Variants in ZNF521 observed in about 807,000 individuals in gnomAD.
ZNF521 encodes zinc finger protein 521.
In ZNF521, 14 loss-of-function variants were observed where a neutral mutation model predicts 105.5. That is an observed-to-expected ratio of 0.13 (90% CI 0.09 to 0.21). ZNF521 has a LOEUF of 0.21. Among genes scored for constraint, ZNF521 ranks in the 10% least tolerant of loss-of-function variants. The pLI, the probability that ZNF521 is intolerant of heterozygous loss-of-function variation, is 1.00. For synonymous variants in ZNF521, 635 were observed against 606.0 expected (o/e 1.05, Z -0.70); for missense variants, 1,233 against 1,629.7 (o/e 0.76, Z 4.19).
intron 3 of ZNF521, among the ~76,000 whole-genome samples, chr18:25,247,535 C>T (rs1399817805): frequency 2.0e-5 from 3 of 152,172 alleles, no homozygotes; most frequent in Non-Finnish European, 2.9e-5. Context: ...ATTCTTATCG[C>T]ATTGGACTAG....
At chr18:25,129,156 T>G (rs1200689663) in intron 5 of ZNF521, among the ~76,000 whole-genome samples, 1 of 151,374 alleles carries the variant, frequency 6.6e-6, no homozygotes, top group Admixed American at 6.6e-5. Flanking sequence ...ACAAATATAG[T>G]CAACTGATCT....
chr18:25,242,960 A>G (rs1269869230), intron 3 of ZNF521, among the ~76,000 whole-genome samples: 1 of 152,206 alleles, frequency 6.6e-6, no homozygotes, highest in Non-Finnish European at 1.5e-5. Context: ...AGAACCCCAA[A>G]TCAGCTGTTG....
rs35914509 is a variant in ZNF521, at chr18:25,113,761, G to GACGGACACACAC, written c.3659-21681_3659-21680insGTGTGTGTCCGT. On this transcript the variant is annotated intron_variant, in intron 5 of 7. Coordinates refer to ENST00000361524, the MANE Select transcript of ZNF521 (RefSeq NM_015461.3). The stretch of plus-strand genomic sequence containing the variant: ...AGGCAGGCAGACCGAAGGACGGACG[G>GACGGACACACAC]ACACACACACACACACACACACACA... 1.8e-3 allele frequency among the ~76,000 whole-genome samples: 188 copies of GACGGACACACAC among 101,702 alleles called. 5 individuals are homozygous for GACGGACACACAC. The highest frequency in any genetic ancestry group is 5.2e-3 in the African/African-American group (140 of 26,850). The allele number at this position is 101,702 out of a possible 152,430, so 66.7% of individuals were successfully genotyped here. A position where few individuals can be genotyped will look rare whatever the true frequency, so the allele number is the denominator to read the frequency against.
At chr18:25,117,008 C>G (rs1335960368) in intron 5 of ZNF521, among the ~76,000 whole-genome samples, 1 of 96,458 alleles carries the variant, frequency 1.0e-5, no homozygotes, top group East Asian at 2.7e-4. Flanking sequence ...TATATACATA[C>G]ACACACACAC....
intron 2 of ZNF521, among the ~76,000 whole-genome samples, chr18:25,339,144 C>T (rs549596583): frequency 6.6e-6 from 1 of 152,304 alleles, no homozygotes; most frequent in South Asian, 2.1e-4. Flanking sequence ...ACTGAAAGAA[C>T]ACTATTGTTG....
intron 3 of ZNF521, among the ~76,000 whole-genome samples, chr18:25,288,780 A>G (rs936168827): frequency 3.9e-5 from 6 of 152,178 alleles, no homozygotes; most frequent in African/African-American, 1.4e-4. Flanking sequence ...TCAGGAGTCA[A>G]TGAGGAATAA....
chr18:25,330,026 T>C (rs967261140), intron 2 of ZNF521, among the ~76,000 whole-genome samples: 4 of 152,214 alleles, frequency 2.6e-5, no homozygotes, highest in Non-Finnish European at 5.9e-5. Flanking sequence ...GAGCCATTCC[T>C]AGACAGGAGC....
chr18:25,323,050 G>A (rs984288482), intron 2 of ZNF521, among the ~76,000 whole-genome samples: 1 of 151,846 alleles, frequency 6.6e-6, no homozygotes, highest in Non-Finnish European at 1.5e-5. Context: ...GATTAGTTAC[G>A]CTGTCCTTTG....
intron 3 of ZNF521, among the ~76,000 whole-genome samples, chr18:25,270,402 C>A (rs976250991): frequency 3.9e-5 from 6 of 152,026 alleles, no homozygotes; most frequent in African/African-American, 1.4e-4. Flanking sequence ...TAGAAAAAGA[C>A]AGAACTCTTC....
chr18:25,099,725 CTT>C (rs1463514759), intron 5 of ZNF521, among the ~76,000 whole-genome samples: 1 of 152,128 alleles, frequency 6.6e-6, no homozygotes, highest in Non-Finnish European at 1.5e-5. Flanking sequence ...TTATTATACT[CTT>C]TGTTTAAAAT....
intron 5 of ZNF521, among the ~76,000 whole-genome samples, chr18:25,168,001 T>C (rs193059599): frequency 3.9e-5 from 6 of 152,308 alleles, no homozygotes; most frequent in Admixed American, 2.0e-4. Context: ...AATGAAACAT[T>C]ATGCGGTATC....
intron 5 of ZNF521, among the ~76,000 whole-genome samples, chr18:25,157,449 C>A (rs1338998633): frequency 2.6e-5 from 4 of 152,124 alleles, no homozygotes. Flanking sequence ...TAAGAGTGTT[C>A]TTTTACTTTC....
chr18:25,227,986 A>G lies in ZNF521; in HGVS notation c.221-289T>C, dbSNP rs1245676126. Among the ~76,000 whole-genome samples, 1 of 152,204 alleles carries G rather than the reference A, an allele frequency of 6.6e-6. No homozygotes were observed. Among genetic ancestry groups the G allele is most frequent in the Non-Finnish European group, 1.5e-5 (1 of 68,038 alleles). ...ATTCTTCCTTAGAAGCAAGGTATAT[A>G]TTACACATTGACAATTTTATTAAAA... is the stretch of plus-strand genomic sequence containing the variant. On this transcript the variant is annotated intron_variant, in intron 3 of 7. Coordinates refer to ENST00000361524, the MANE Select transcript of ZNF521 (RefSeq NM_015461.3). The surrounding 1 kb of genome is among the most constrained non-coding windows in gnomAD (Gnocchi z 5.7).
chr18:25,242,255 C>T (rs1358916360), intron 3 of ZNF521, among the ~76,000 whole-genome samples: 2 of 152,190 alleles, frequency 1.3e-5, no homozygotes, highest in African/African-American at 4.8e-5. Flanking sequence ...AAATCCACAT[C>T]CCCGATCTCT....
At chr18:25,267,465 C>T (rs1389191224) in intron 3 of ZNF521, among the ~76,000 whole-genome samples, 1 of 152,152 alleles carries the variant, frequency 6.6e-6, no homozygotes, top group Non-Finnish European at 1.5e-5. Flanking sequence ...GTCCCTGACC[C>T]CTGTGTATCC....
rs560776405 is a variant in ZNF521 at position 25,352,132 on chromosome 18, G to T, written c.-129C>A. ...TAACCCGCAGGGACTCGCTCTGTAC[G>T]TAATCACTGAGGAAATCATTGTCAG... is the stretch of plus-strand genomic sequence containing the variant. On this transcript the variant is annotated 5_prime_UTR_variant, in exon 1 of 8. Transcript: ENST00000361524. 30 of 425,040 alleles carry T rather than the reference G, an allele frequency of 7.1e-5. No homozygotes were observed. Among genetic ancestry groups the T allele is most frequent in the Non-Finnish European group, 3.4e-5 (7 of 207,308 alleles). 26.3% of individuals were successfully genotyped at this position (425,040 alleles called of 1,614,324 possible).
In ZNF521 at chr18:25,225,971, A is replaced by G; in HGVS notation, c.1947T>C (p.Phe649=). Residue 649 remains phenylalanine (F), a synonymous_variant, in exon 4 of 8, where the codon TTT becomes TTC. Coordinates refer to ENST00000361524, the MANE Select transcript of ZNF521 (RefSeq NM_015461.3). This position sits in a 1 kb window ranked among gnomAD's most constrained non-coding sequence, Gnocchi z 5.6. Reference sequence around the variant, plus strand: ...CGAGATGAGTTTTTAGGTGAGTCTGAAAGCTGTCTAGGGATGTGTACTTAG... The same window carrying G: ...CGAGATGAGTTTTTAGGTGAGTCTGGAAGCTGTCTAGGGATGTGTACTTAG... ...CGAKYTSLDS[F]QTHLKTHLDT... 6.2e-7 allele frequency: 1 copy of G among 1,614,196 alleles called. No homozygotes were observed. Among genetic ancestry groups the G allele is most frequent in the Non-Finnish European group, 8.5e-7 (1 of 1,180,026 alleles).
intron 4 of ZNF521, chr18:25,224,095 A>G: frequency 2.2e-6 from 1 of 452,664 alleles, no homozygotes; most frequent in Non-Finnish European, 4.0e-6. Context: ...TGGTCTCTTC[A>G]GTCATAGAGA....
intron 5 of ZNF521, among the ~76,000 whole-genome samples, chr18:25,184,294 A>G (rs1206766286): frequency 6.6e-6 from 1 of 152,174 alleles, no homozygotes; most frequent in Non-Finnish European, 1.5e-5. Context: ...AGTAGATAGA[A>G]AGTAGGAATT....
Sources: allele counts gnomAD v4.1 joint callset (sites outside exome capture counted in the v4.1 genomes callset), GRCh38; gene constraint gnomAD v4.1.1; non-coding constraint Gnocchi (gnomAD v3.1); transcripts MANE v1.5; gene names NCBI Gene and HGNC (gene_info 2026-07-23, HGNC 2026-07-21).